The following ABCD3 variants were observed in gnomAD, a reference collection of about 807,000 sequenced individuals.
The protein encoded by ABCD3 is ATP-binding cassette sub-family D member 3.
Under a neutral mutation model 105.5 loss-of-function variants are expected in ABCD3, and 41 were observed. That is an observed-to-expected ratio of 0.39 (90% CI 0.30 to 0.50). The LOEUF (loss-of-function observed/expected upper bound fraction) is 0.50, where lower values mean the gene tolerates loss of function less well. ABCD3 is among the 20% of genes least tolerant of loss of function. ABCD3 has a pLI of 0.84. For synonymous variants in ABCD3, 258 were observed against 269.0 expected, an observed-to-expected ratio of 0.96 and a Z score of 0.40; for missense variants, 622 against 806.3, an observed-to-expected ratio of 0.77 and a Z score of 2.77.
rs3118109 is a variant in ABCD3, at chr1:94,515,115, C to G, written c.1846-31C>G. On this transcript the variant is annotated intron_variant, in intron 21 of 22. Transcript: ENST00000370214. Reference sequence around the variant, plus strand: ...TAGTTTAATTTGTGACTCTGTTACTCATTAAACCTAAATCATTTTCTTTGT... The same window carrying G: ...TAGTTTAATTTGTGACTCTGTTACTGATTAAACCTAAATCATTTTCTTTGT... 1 allele frequency: 1,554,644 copies of G among 1,558,354 alleles called. 775,548 individuals are homozygous for G. Among genetic ancestry groups the G allele is most frequent in the East Asian group, 1 (44,438 of 44,438 alleles).
At chr1:94,457,620 C>T (rs1466569630) in intron 1 of ABCD3, among the ~76,000 whole-genome samples, 1 of 152,130 alleles carries the variant, frequency 6.6e-6, no homozygotes, top group Non-Finnish European at 1.5e-5. Flanking sequence ...ACTCCCCTCT[C>T]CTCATGTCAC....
chr1:94,483,245 A>G lies in ABCD3; in HGVS notation c.897+6A>G, dbSNP rs745386563. The G allele has an allele frequency of 1.2e-6, 2 of 1,610,808 alleles. No homozygotes were observed. The highest frequency in any genetic ancestry group is 2.2e-5 in the South Asian group (2 of 90,994). On this transcript the variant is annotated splice_donor_region_variant and intron_variant, in intron 10 of 22. Coordinates refer to ENST00000370214, the MANE Select transcript of ABCD3 (RefSeq NM_002858.4). ...ACTCAGTCTTCCGAAAACTGGTAAG[A>G]TAACACACTTGAGGTTCATGTGTTT...
intron 13 of ABCD3, among the ~76,000 whole-genome samples, chr1:94,488,559 C>G (rs1189905837): frequency 6.6e-6 from 1 of 151,820 alleles, no homozygotes; most frequent in Non-Finnish European, 1.5e-5. Context: ...TAAAAAACAC[C>G]ATAAATTTTA....
the ABCD3 span, among the ~76,000 whole-genome samples, chr1:94,395,588 T>C: frequency 2.6e-4 from 40 of 152,280 alleles, no homozygotes; most frequent in African/African-American, 9.6e-4. Context: ...GTGCTTCCCA[T>C]TGGCCAAATC....
chr1:94,509,389 G>T (rs565735610), intron 21 of ABCD3, among the ~76,000 whole-genome samples: 37 of 152,168 alleles, frequency 2.4e-4, no homozygotes, highest in African/African-American at 8.7e-4. Flanking sequence ...TTCGGTTTGC[G>T]AGTATTTTAT....
At chr1:94,475,565 AT>A in intron 6 of ABCD3, 48 bp from the exon 7 acceptor site, 1 of 1,574,564 alleles carries the variant, frequency 6.4e-7, no homozygotes, top group East Asian at 2.2e-5. Context: ...TTGTTGTTTT[AT>A]CTTTAAAGTC....
intron 17 of ABCD3, 38 bp from the exon 18 acceptor site, chr1:94,498,744 AT>A (rs750657725): frequency 6.2e-7 from 1 of 1,613,380 alleles, no homozygotes; most frequent in Non-Finnish European, 8.5e-7. Flanking sequence ...CACTTTGTAA[AT>A]TTTACAATTG....
intron 2 of ABCD3, among the ~76,000 whole-genome samples, chr1:94,463,817 CT>C (rs554605128): frequency 1.1e-3 from 161 of 152,314 alleles, no homozygotes; most frequent in Non-Finnish European, 1.9e-3. Flanking sequence ...TCAATCTTTA[CT>C]GTGGCTTCAA....
chr1:94,515,418 G>T (rs1208425171), intron 22 of ABCD3, among the ~76,000 whole-genome samples: 3 of 151,910 alleles, frequency 2.0e-5, no homozygotes, highest in Non-Finnish European at 4.4e-5. Context: ...AGTTTTATAA[G>T]TGACTCTTAT....
At chr1:94,496,694 G>GGTTTT (rs1302104709) in intron 16 of ABCD3, among the ~76,000 whole-genome samples, 24 of 39,364 alleles carry the variant, frequency 6.1e-4, no homozygotes, top group Non-Finnish European at 8.7e-4. Context: ...CCTTGTTTCT[G>GGTTTT]TTTTTTTTTT....
At chr1:94,507,288 A>G (rs1053713490) in intron 21 of ABCD3, among the ~76,000 whole-genome samples, 35 of 151,946 alleles carry the variant, frequency 2.3e-4, no homozygotes, top group African/African-American at 7.3e-4. Flanking sequence ...ATGATTTCCA[A>G]TTTCATCCAT....
chr1:94,400,573 G>A, the ABCD3 span, among the ~76,000 whole-genome samples: 360 of 152,240 alleles, frequency 2.4e-3, 2 homozygotes, highest in Admixed American at 3.9e-3. Context: ...GCAAAAGAGA[G>A]CAGGAGAACA....
rs971446001 is a variant in ABCD3 at position 94,518,275 on chromosome 1, A to G, written c.*1146A>G. ...TGCACAGGGAGAATTGAAACTGAGT[A>G]TAATCAATAAGCTAGATACGAAATC... On this transcript the variant is annotated 3_prime_UTR_variant, in exon 23 of 23. Transcript: ENST00000370214. 1 of 152,272 alleles carries G rather than the reference A, an allele frequency of 6.6e-6. No homozygotes were observed. The highest frequency in any genetic ancestry group is 2.4e-5 in the African/African-American group (1 of 41,410). 9.4% of individuals were successfully genotyped at this position (152,272 alleles called of 1,614,324 possible). A position where few individuals can be genotyped will look rare whatever the true frequency, so the allele number is the denominator to read the frequency against.
At chr1:94,499,412 G>C in intron 19 of ABCD3, 83 bp from the exon 20 acceptor site, 1 of 1,380,110 alleles carries the variant, frequency 7.2e-7, no homozygotes, top group Non-Finnish European at 1.0e-6. Flanking sequence ...GAATTATAGT[G>C]ATTCCAGTTT....
Position 94,493,084 on chromosome 1 carries a change from A to C in ABCD3, c.1386+1837A>C, listed in dbSNP as rs989854301. ...CCAAAAGCAATGGCAACAAAAGCCA[A>C]AATTGACAAATGGGATCTAATTAAA... On this transcript the variant is annotated intron_variant, in intron 16 of 22. Transcript: ENST00000370214. 3.3e-5 allele frequency among the ~76,000 whole-genome samples: 5 copies of C among 150,626 alleles called. No homozygotes were observed. In the East Asian group the frequency reaches 9.8e-4, roughly 30 times the overall value.
intron 20 of ABCD3, 48 bp from the exon 21 acceptor site, chr1:94,506,490 T>G (rs778712395): frequency 8.8e-7 from 1 of 1,134,724 alleles, no homozygotes; most frequent in South Asian, 1.2e-5. Flanking sequence ...GGCTTACTAA[T>G]TTTAGGTCTG....
intron 16 of ABCD3, among the ~76,000 whole-genome samples, chr1:94,495,078 C>T (rs1297122913): frequency 6.6e-6 from 1 of 152,094 alleles, no homozygotes; most frequent in Non-Finnish European, 1.5e-5. Context: ...GAGATCCTGT[C>T]TCCAAAAACA....
intron 1 of ABCD3, among the ~76,000 whole-genome samples, chr1:94,434,205 C>T (rs1209033073): frequency 6.6e-6 from 1 of 152,110 alleles, no homozygotes; most frequent in African/African-American, 2.4e-5. Flanking sequence ...TAAAAAAAAT[C>T]ACTGTCTTCC....
At position 94,487,529 on chromosome 1, in the gene ABCD3, T is replaced by C; in HGVS notation, c.898-13T>C. 6.2e-7 allele frequency: 1 copy of C among 1,612,694 alleles called. No individual in the cohort carries two copies. Among genetic ancestry groups the C allele is most frequent in the South Asian group, 1.1e-5 (1 of 91,012 alleles). ...AGAGAAAAAGATGGTTTTTTGTTTT[T>C]GTTTTCTGCCAGGTGGAACACCTAC... On this transcript the variant is annotated splice_polypyrimidine_tract_variant and intron_variant, in intron 10 of 22. Transcript: ENST00000370214.
Sources: gnomAD v4.1 joint callset for allele counts (sites outside exome capture counted in the v4.1 genomes callset) on GRCh38, gnomAD v4.1.1 for gene constraint, MANE v1.5 for transcripts, NCBI Gene and HGNC (gene_info 2026-07-23, HGNC 2026-07-21) for gene names.